The following USP14 variants were observed in gnomAD, a reference collection of about 807,000 sequenced individuals.
USP14 encodes ubiquitin specific peptidase 14, also known as ubiquitin carboxyl-terminal hydrolase 14.
USP14 carries 38 observed loss-of-function variants against 76.5 expected under a neutral mutation model. That is an observed-to-expected ratio of 0.50 (90% CI 0.38 to 0.65). USP14 has a LOEUF of 0.65. USP14 is among the 30% of genes least tolerant of loss of function. USP14 has a pLI of 0.00. For missense variants in USP14, 467 were observed against 586.5 expected (o/e 0.80, Z 2.10); for synonymous variants, 192 against 191.7 (o/e 1.00, Z -0.01).
intron 2 of USP14, among the ~76,000 whole-genome samples, chr18:163,889 C>A (rs1181672124): frequency 1.3e-5 from 2 of 150,964 alleles, no homozygotes; most frequent in Admixed American, 6.6e-5. Context: ...GTCTTTTGTT[C>A]CTGTCTATGT....
rs1327304974 is a variant in USP14, at chr18:171,025, A to AAAATAT, written c.195+4207_195+4208insAATATA. On this transcript the variant is annotated intron_variant, in intron 3 of 15. Coordinates refer to ENST00000261601, the MANE Select transcript of USP14 (RefSeq NM_005151.4). ...CCTGGAACTTAAAAAAAAAAAAAAAAATATATATATATATATATATATATA... is the reference window on the plus strand; with the variant it reads ...CCTGGAACTTAAAAAAAAAAAAAAAAAAATATATATATATATATATATATATATATA... Among the ~76,000 whole-genome samples the AAAATAT allele has an allele frequency of 5.0e-4, 24 of 47,648 alleles. 1 individual carries two copies. Among genetic ancestry groups the AAAATAT allele is most frequent in the East Asian group, 1.8e-3 (2 of 1,088 alleles). 31.3% of individuals were successfully genotyped at this position (47,648 alleles called of 152,430 possible). A position where few individuals can be genotyped will look rare whatever the true frequency, so the allele number is the denominator to read the frequency against.
At chr18:202,802 G>C (rs1440600678) in intron 10 of USP14, 78 bp from the exon 11 acceptor site, 36 of 1,433,088 alleles carry the variant, frequency 2.5e-5, no homozygotes, top group Non-Finnish European at 3.2e-5. Context: ...TTTTTAAAAG[G>C]CTTACTGGTG....
intron 2 of USP14, 67 bp downstream of exon 2, chr18:163,520 A>T (rs953787721): frequency 5.2e-6 from 8 of 1,523,950 alleles, no homozygotes; most frequent in Admixed American, 2.1e-5. Flanking sequence ...TAACGCCAGA[A>T]AATTATTTAA....
chr18:180,304 T>G lies in USP14; in HGVS notation c.369T>G (p.Ile123Met). Residue 123 changes from isoleucine (I) to methionine (M), a missense_variant, in exon 5 of 16, where the codon ATT becomes ATG. Transcript: ENST00000261601. ...TCYMNATVQC[I>M]RSVPELKDAL... ...ACATGAATGCCACAGTTCAGTGTAT[T>G]CGTTCTGTGCCTGAACTCAAAGATG... 6.3e-7 allele frequency: 1 copy of G among 1,595,154 alleles called. No homozygotes were observed. Among genetic ancestry groups the G allele is most frequent in the Non-Finnish European group, 8.5e-7 (1 of 1,175,228 alleles).
In USP14 at chr18:213,590, A is replaced by ACAT. The variant is rs1363099330; in HGVS notation, c.*2307_*2309dup. On this transcript the variant is annotated 3_prime_UTR_variant, in exon 16 of 16. Coordinates refer to ENST00000261601, the MANE Select transcript of USP14 (RefSeq NM_005151.4). ...CACTCACACCGAGGCCATCATCTCA[A>ACAT]CATTAGAGTTGTGCTAGATTACTGC... is the stretch of plus-strand genomic sequence containing the variant. 1 of 152,566 alleles carries ACAT rather than the reference A, an allele frequency of 6.6e-6. No homozygotes were observed. Among genetic ancestry groups the ACAT allele is most frequent in the Non-Finnish European group, 1.5e-5 (1 of 68,034 alleles). The allele number at this position is 152,566 out of a possible 1,614,324, so 9.5% of individuals were successfully genotyped here.
At chr18:175,115 A>G (rs1909592104) in intron 3 of USP14, among the ~76,000 whole-genome samples, 1 of 152,196 alleles carries the variant, frequency 6.6e-6, no homozygotes, top group Admixed American at 6.5e-5. Flanking sequence ...TTGCTAGTAT[A>G]TAAAAATAAA....
At chr18:185,540 C>T (rs146178715) in intron 5 of USP14, among the ~76,000 whole-genome samples, 1 of 152,160 alleles carries the variant, frequency 6.6e-6, no homozygotes, top group African/African-American at 2.4e-5. Context: ...CTGAGACACT[C>T]GGAGAGAACA....
In USP14 at chr18:213,075, A is replaced by AAGAAT. The variant is rs1160867453; in HGVS notation, c.*1797_*1801dup. On this transcript the variant is annotated 3_prime_UTR_variant, in exon 16 of 16. Coordinates refer to ENST00000261601, the MANE Select transcript of USP14 (RefSeq NM_005151.4). Reference sequence around the variant, plus strand: ...TACTTTCTACTTTGTGGAGGGGATTAAGAATAGAATGGGCAGGATGAGACC... The same window carrying AAGAAT: ...TACTTTCTACTTTGTGGAGGGGATTAAGAATAGAATAGAATGGGCAGGATGAGACC... The AAGAAT allele has an allele frequency of 6.6e-6, 1 of 152,226 alleles. No homozygotes were observed. Among genetic ancestry groups the AAGAAT allele is most frequent in the African/African-American group, 2.4e-5 (1 of 41,466 alleles). The allele number at this position is 152,226 out of a possible 1,614,324, so 9.4% of individuals were successfully genotyped here.
chr18:159,272 G>A (rs1344884769), intron 1 of USP14, among the ~76,000 whole-genome samples: 1 of 152,146 alleles, frequency 6.6e-6, no homozygotes, highest in Non-Finnish European at 1.5e-5. Flanking sequence ...CTTCGTTTTC[G>A]TTTCATCAAA....
rs201481755 is a variant in USP14 at position 204,524 on chromosome 18, T to C, written c.1036-40T>C. ...GTGATACTTTAAATAAATATCTTTA[T>C]AAATGTGTTTACACATGTTTTTTGT... On this transcript the variant is annotated intron_variant, in intron 12 of 15. Transcript: ENST00000261601. 4.5e-5 allele frequency: 65 copies of C among 1,448,382 alleles called. 2 individuals carry two copies. The Admixed American group carries it at 1.3e-3, about 29-fold the overall frequency. 89.7% of individuals were successfully genotyped at this position (1,448,382 alleles called of 1,614,324 possible). A position where few individuals can be genotyped will look rare whatever the true frequency, so the allele number is the denominator to read the frequency against.
At position 204,518 on chromosome 18, in the gene USP14, T is replaced by C. The variant is rs115911406; in HGVS notation, c.1036-46T>C. Reference sequence around the variant, plus strand: ...AGATATGTGATACTTTAAATAAATATCTTTATAAATGTGTTTACACATGTT... The same window carrying C: ...AGATATGTGATACTTTAAATAAATACCTTTATAAATGTGTTTACACATGTT... On this transcript the variant is annotated intron_variant, in intron 12 of 15. Coordinates refer to ENST00000261601, the MANE Select transcript of USP14 (RefSeq NM_005151.4). 5.2e-3 allele frequency: 7,332 copies of C among 1,404,722 alleles called. 269 individuals carry two copies. The African/African-American group carries it at 0.084, about 16-fold the overall frequency. 87.0% of individuals were successfully genotyped at this position (1,404,722 alleles called of 1,614,324 possible).
intron 6 of USP14, among the ~76,000 whole-genome samples, chr18:195,855 C>A (rs1332835287): frequency 1.3e-5 from 2 of 152,124 alleles, no homozygotes; most frequent in African/African-American, 2.4e-5. Flanking sequence ...AATTAAAACA[C>A]CCTGCTTTGT....
At chr18:208,891 G>A (rs1174371173) in intron 13 of USP14, among the ~76,000 whole-genome samples, 7 of 152,028 alleles carry the variant, frequency 4.6e-5, no homozygotes, top group Admixed American at 1.3e-4. Flanking sequence ...GATTACAGGC[G>A]AGTGCCACCA....
rs1910668770 is a variant in USP14 at position 211,474 on chromosome 18, G to A, written c.*190G>A. On this transcript the variant is annotated 3_prime_UTR_variant, in exon 16 of 16. Transcript: ENST00000261601. ...TACAGAGAAGAGAAAATTATCTTTG[G>A]ATTGTGCTGCCCTATATAAAGGTGG... 1.2e-5 allele frequency: 6 copies of A among 507,020 alleles called. No individual in the cohort carries two copies. In the South Asian group the frequency reaches 2.5e-4, roughly 21 times the overall value. The allele number at this position is 507,020 out of a possible 1,614,324, so 31.4% of individuals were successfully genotyped here. A position where few individuals can be genotyped will look rare whatever the true frequency, so the allele number is the denominator to read the frequency against.
chr18:159,844 TC>T (rs1909066989), intron 1 of USP14, among the ~76,000 whole-genome samples: 1 of 152,220 alleles, frequency 6.6e-6, no homozygotes, highest in Non-Finnish European at 1.5e-5. Context: ...AAATATTTAA[TC>T]AGATCTTTTC....
intron 6 of USP14, among the ~76,000 whole-genome samples, chr18:194,959 G>A (rs1476163702): frequency 2.0e-5 from 3 of 151,910 alleles, no homozygotes; most frequent in African/African-American, 7.2e-5. Flanking sequence ...TAGAATTTGG[G>A]AGTTTCACAC....
At chr18:190,348 A>G (rs965292733) in intron 5 of USP14, among the ~76,000 whole-genome samples, 2 of 152,218 alleles carry the variant, frequency 1.3e-5, no homozygotes, top group African/African-American at 2.4e-5. Flanking sequence ...CTGCTGGGTC[A>G]TAAAAGGATT....
chr18:203,913 A>C (rs1297435140), intron 12 of USP14, among the ~76,000 whole-genome samples: 1 of 152,148 alleles, frequency 6.6e-6, no homozygotes, highest in Non-Finnish European at 1.5e-5. Context: ...TGGTGCCCAA[A>C]GAGTACTTAA....
intron 13 of USP14, 79 bp downstream of exon 13, chr18:204,771 T>TC: frequency 6.5e-7 from 1 of 1,529,040 alleles, no homozygotes; most frequent in Non-Finnish European, 8.8e-7. Context: ...GTCTTTTTTT[T>TC]CCTGCTTCAT....
Sources: gnomAD v4.1 joint callset for allele counts (sites outside exome capture counted in the v4.1 genomes callset) on GRCh38, gnomAD v4.1.1 for gene constraint, MANE v1.5 for transcripts, NCBI Gene and HGNC (gene_info 2026-07-23, HGNC 2026-07-21) for gene names.